WNT2B: variants seen among roughly 807,000 people sequenced by gnomAD.
WNT2B encodes the protein Wnt family member 2B, also known as protein Wnt-2b.
A neutral mutation model predicts 40.5 loss-of-function variants in WNT2B; 19 were observed. The observed-to-expected ratio is 0.47, with a 90% CI of 0.33 to 0.69. The LOEUF (loss-of-function observed/expected upper bound fraction) is 0.69, where lower values mean the gene tolerates loss of function less well. Ranked by LOEUF, WNT2B falls within the 30% of genes least tolerant of loss-of-function variation. The pLI, the probability that WNT2B is intolerant of heterozygous loss-of-function variation, is 0.02. For synonymous variants in WNT2B, 220 were observed against 211.9 expected, an observed-to-expected ratio of 1.04 and a Z score of -0.33; for missense variants, 467 against 556.4, an observed-to-expected ratio of 0.84 and a Z score of 1.62.
chr1:112,506,568 C>A (rs773663223), upstream of WNT2B, among the ~76,000 whole-genome samples: 10 of 152,212 alleles, frequency 6.6e-5, no homozygotes, highest in Non-Finnish European at 1.5e-4. Flanking sequence ...CTGGGAGAGG[C>A]TGCTGGAGCT....
chr1:112,491,853 C>T lies in WNT2B; in HGVS notation c.-94-23021C>T, dbSNP rs114629991. On this transcript the variant is annotated intron_variant, in intron 1 of 4. Coordinates refer to the WNT2B transcript ENST00000256640. ...CTGCAGTGAGCCATGATTGTGCCAC[C>T]GTACTCCTGCCTGGGTGACAGAGCA... Among the ~76,000 whole-genome samples, 459 of 152,128 alleles carry T rather than the reference C, an allele frequency of 3.0e-3. 2 individuals are homozygous for T. The highest frequency in any genetic ancestry group is 0.01 in the African/African-American group (432 of 41,476).
chr1:112,484,395 G>A (rs1381122020), intron 1 of WNT2B, among the ~76,000 whole-genome samples: 1 of 150,142 alleles, frequency 6.7e-6, no homozygotes, highest in East Asian at 1.9e-4. Flanking sequence ...CTACTTCCCA[G>A]GCTCAAATGA....
intron 1 of WNT2B, among the ~76,000 whole-genome samples, chr1:112,503,853 G>T (rs1478207147): frequency 6.6e-6 from 1 of 152,150 alleles, no homozygotes; most frequent in African/African-American, 2.4e-5. Context: ...AAGAGCCAGA[G>T]AGAGACCCAG....
intron 1 of WNT2B, among the ~76,000 whole-genome samples, chr1:112,474,764 T>G (rs886237262): frequency 3.3e-5 from 5 of 152,010 alleles, no homozygotes; most frequent in Non-Finnish European, 5.9e-5. Context: ...GGAGGTGGAG[T>G]CTGGTGGGAG....
chr1:112,479,136 G>C (rs148440148), intron 1 of WNT2B, among the ~76,000 whole-genome samples: 1 of 151,918 alleles, frequency 6.6e-6, no homozygotes, highest in South Asian at 2.1e-4. Context: ...CAGGAGAATC[G>C]CTTGAACCAA....
At chr1:112,501,046 C>T (rs1045804217) in intron 1 of WNT2B, among the ~76,000 whole-genome samples, 14 of 152,160 alleles carry the variant, frequency 9.2e-5, no homozygotes, top group African/African-American at 3.1e-4. Context: ...ATTTACTTGT[C>T]GTGTCTCCTT....
At chr1:112,504,669 A>T (rs1380285210), upstream of WNT2B, among the ~76,000 whole-genome samples, 1 of 152,074 alleles carries the variant, frequency 6.6e-6, no homozygotes, top group Non-Finnish European at 1.5e-5. Context: ...ACCTGGCCCT[A>T]TTTCAAATAA....
intron 1 of WNT2B, among the ~76,000 whole-genome samples, chr1:112,484,290 T>TATACACATATATATATATATACAC (rs1294363726): frequency 4.0e-5 from 5 of 126,044 alleles, no homozygotes; most frequent in African/African-American, 1.7e-4. Flanking sequence ...TATATATATA[T>TATACACATATATATATATATACAC]ACACACACAT....
chr1:112,495,544 G>A (rs1031917863), intron 1 of WNT2B, among the ~76,000 whole-genome samples: 5 of 151,124 alleles, frequency 3.3e-5, no homozygotes, highest in Non-Finnish European at 7.4e-5. Flanking sequence ...AGCCAAGAAC[G>A]CGCCACTGCG....
At chr1:112,473,911 A>G (rs969175804) in intron 1 of WNT2B, among the ~76,000 whole-genome samples, 4 of 150,850 alleles carry the variant, frequency 2.7e-5, no homozygotes, top group Admixed American at 2.6e-4. Context: ...AAAAAAAAAA[A>G]AAAATTAGCC....
intron 2 of WNT2B, 106 bp from the exon 3 acceptor site, chr1:112,516,034 A>G: frequency 6.9e-7 from 1 of 1,459,288 alleles, no homozygotes; most frequent in Admixed American, 2.2e-5. Flanking sequence ...TGACTCTGGG[A>G]AAGAAAATTA....
chr1:112,511,038 C>T (rs981085486), intron 1 of WNT2B, among the ~76,000 whole-genome samples: 1 of 152,130 alleles, frequency 6.6e-6, no homozygotes, highest in Middle Eastern at 3.4e-3. Flanking sequence ...GTCTTGGGGA[C>T]CAATTGGTGT....
chr1:112,476,440 A>T (rs1651056142), intron 1 of WNT2B, among the ~76,000 whole-genome samples: 1 of 152,256 alleles, frequency 6.6e-6, no homozygotes, highest in Admixed American at 6.5e-5. Flanking sequence ...AACAACGAAT[A>T]AACAACTACA....
intron 1 of WNT2B, among the ~76,000 whole-genome samples, chr1:112,503,555 G>A (rs1018936495): frequency 3.3e-5 from 5 of 151,832 alleles, no homozygotes; most frequent in Admixed American, 6.6e-5. Flanking sequence ...ACAGAGAGAC[G>A]GAGAAAGCCA....
intron 1 of WNT2B, among the ~76,000 whole-genome samples, chr1:112,494,264 C>T (rs975119423): frequency 2.6e-5 from 4 of 151,232 alleles, no homozygotes; most frequent in East Asian, 3.9e-4. Flanking sequence ...GAACAGAGAT[C>T]GTGCCACTGC....
chr1:112,516,448 A>G (rs757217008), intron 3 of WNT2B, 31 bp downstream of exon 3: 6 of 1,585,880 alleles, frequency 3.8e-6, no homozygotes, highest in Non-Finnish European at 5.2e-6. Flanking sequence ...AAGTACACTC[A>G]TATTTGCTGG....
chr1:112,510,405 T>G (rs189562429), intron 1 of WNT2B, among the ~76,000 whole-genome samples: 1 of 152,226 alleles, frequency 6.6e-6, no homozygotes, highest in East Asian at 1.9e-4. Context: ...CACCCCACAA[T>G]CAAACTGGCC....
intron 1 of WNT2B, among the ~76,000 whole-genome samples, chr1:112,490,738 C>T (rs982176919): frequency 4.6e-5 from 7 of 152,136 alleles, no homozygotes; most frequent in African/African-American, 1.4e-4. Context: ...ATCTGCCCAC[C>T]TCAGCCTCCC....
intron 4 of WNT2B, among the ~76,000 whole-genome samples, chr1:112,519,961 C>T (rs991400406): frequency 4.7e-5 from 7 of 150,528 alleles, no homozygotes; most frequent in African/African-American, 1.7e-4. Flanking sequence ...GCAGCCTCGA[C>T]CTCCCAGCCT....
Sources: allele counts gnomAD v4.1 joint callset (sites outside exome capture counted in the v4.1 genomes callset), GRCh38; gene constraint gnomAD v4.1.1; transcripts MANE v1.5; gene names NCBI Gene and HGNC (gene_info 2026-07-23, HGNC 2026-07-21).